The following ULK4 variants were observed in gnomAD, a reference collection of about 807,000 sequenced individuals.
ULK4 encodes the protein inactive serine/threonine-protein kinase ULK4.
A neutral mutation model predicts 160.6 loss-of-function variants in ULK4; 133 were observed. The observed-to-expected ratio is 0.83, with a 90% confidence interval of 0.72 to 0.96. The LOEUF is 0.96. Among genes scored for constraint, ULK4 ranks in the 40% least tolerant of loss-of-function variants. ULK4 has a pLI of 0.00. For missense variants in ULK4, 1,580 were observed against 1,499.5 expected (o/e 1.05, Z -0.89); for synonymous variants, 534 against 539.8 (o/e 0.99, Z 0.15).
chr3:41,360,309 C>A (rs140826238), intron 35 of ULK4, among the ~76,000 whole-genome samples: 1 of 152,042 alleles, frequency 6.6e-6, no homozygotes, highest in Non-Finnish European at 1.5e-5. Context: ...GCTTTTATAC[C>A]GTTGGTGGGA....
intron 32 of ULK4, among the ~76,000 whole-genome samples, chr3:41,465,818 C>A (rs1012740036): frequency 1.3e-5 from 2 of 152,142 alleles, no homozygotes; most frequent in African/African-American, 4.8e-5. Context: ...TAAAATTGAT[C>A]CATGGATTCA....
chr3:41,550,981 T>G (rs1290440727), intron 32 of ULK4, among the ~76,000 whole-genome samples: 1 of 151,768 alleles, frequency 6.6e-6, no homozygotes, highest in African/African-American at 2.4e-5. Flanking sequence ...CCATAAAGAA[T>G]GCTGGAAACT....
intron 32 of ULK4, among the ~76,000 whole-genome samples, chr3:41,495,839 C>T (rs1038413406): frequency 1.3e-5 from 2 of 151,874 alleles, no homozygotes; most frequent in African/African-American, 4.8e-5. Flanking sequence ...TGCTCATCAT[C>T]ACTGGCCATC....
At chr3:41,568,308 T>C (rs1462623909) in intron 31 of ULK4, among the ~76,000 whole-genome samples, 1 of 152,216 alleles carries the variant, frequency 6.6e-6, no homozygotes, top group African/African-American at 2.4e-5. Context: ...GAAGCTGCAA[T>C]GCTAGAGCAA....
intron 30 of ULK4, among the ~76,000 whole-genome samples, chr3:41,634,826 A>G (rs752469038): frequency 1.3e-5 from 2 of 152,216 alleles, no homozygotes; most frequent in Non-Finnish European, 2.9e-5. Flanking sequence ...TAACACAGCT[A>G]ATTTGTTTCA....
chr3:41,757,186 T>C (rs965617888), intron 21 of ULK4, among the ~76,000 whole-genome samples: 9 of 152,188 alleles, frequency 5.9e-5, no homozygotes, highest in Non-Finnish European at 8.8e-5. Context: ...ACCTCTGATC[T>C]CTTCCATGTG....
At chr3:41,265,367 C>G (rs2079012739) in intron 35 of ULK4, among the ~76,000 whole-genome samples, 1 of 152,228 alleles carries the variant, frequency 6.6e-6, no homozygotes, top group Admixed American at 6.5e-5. Context: ...TGGGCACCCA[C>G]TGGAAACAGC....
chr3:41,920,109 A>G (rs537730561), intron 5 of ULK4, among the ~76,000 whole-genome samples: 18 of 152,348 alleles, frequency 1.2e-4, no homozygotes, highest in African/African-American at 4.1e-4. Context: ...AACCTTCAAT[A>G]TAACAACCCC....
At chr3:41,274,214 T>C (rs1189702110) in intron 35 of ULK4, among the ~76,000 whole-genome samples, 1 of 152,148 alleles carries the variant, frequency 6.6e-6, no homozygotes, top group Non-Finnish European at 1.5e-5. Flanking sequence ...GTATTTTTTT[T>C]CCTCTTCTTT....
chr3:41,391,321 T>G (rs527539128), intron 35 of ULK4, among the ~76,000 whole-genome samples: 6 of 152,092 alleles, frequency 3.9e-5, no homozygotes, highest in African/African-American at 1.4e-4. Flanking sequence ...AGATTGCATA[T>G]AAAATTGATT....
At chr3:41,739,771 G>A (rs540993279) in intron 22 of ULK4, among the ~76,000 whole-genome samples, 46 of 151,980 alleles carry the variant, frequency 3.0e-4, no homozygotes, top group African/African-American at 1.1e-3. Flanking sequence ...CTTGCTCAAT[G>A]GGCCTGTGTA....
At chr3:41,275,436 G>T (rs2079213168) in intron 35 of ULK4, among the ~76,000 whole-genome samples, 1 of 152,164 alleles carries the variant, frequency 6.6e-6, no homozygotes, top group South Asian at 2.1e-4. Context: ...TAAGTACACA[G>T]AAACAAAACA....
At chr3:41,376,649 T>G (rs1272377412) in intron 35 of ULK4, among the ~76,000 whole-genome samples, 1 of 149,142 alleles carries the variant, frequency 6.7e-6, no homozygotes, top group African/African-American at 2.5e-5. Flanking sequence ...ATAAAATACC[T>G]AGGAATCCAA....
intron 6 of ULK4, 73 bp from the exon 7 acceptor site, chr3:41,918,613 T>G: frequency 1.0e-6 from 1 of 965,740 alleles, no homozygotes; most frequent in East Asian, 3.1e-5. Flanking sequence ...TTTTTTTTTT[T>G]TTTTTTGAGA....
At chr3:41,753,956 T>A (rs1199115232) in intron 22 of ULK4, among the ~76,000 whole-genome samples, 1 of 152,150 alleles carries the variant, frequency 6.6e-6, no homozygotes, top group Non-Finnish European at 1.5e-5. Context: ...AGTGCCAGCA[T>A]GGGAAATGCC....
At chr3:41,654,804 C>T (rs904457906) in intron 30 of ULK4, among the ~76,000 whole-genome samples, 3 of 152,206 alleles carry the variant, frequency 2.0e-5, no homozygotes, top group African/African-American at 7.2e-5. Flanking sequence ...AAGTTAAAAA[C>T]AGATGCTCAA....
intron 35 of ULK4, among the ~76,000 whole-genome samples, chr3:41,309,251 G>A (rs1168881962): frequency 6.6e-6 from 1 of 151,946 alleles, no homozygotes; most frequent in African/African-American, 2.4e-5. Flanking sequence ...TATTGCTGCA[G>A]GAAGCAACAT....
At position 41,954,783 on chromosome 3, in the gene ULK4, A is replaced by C. The variant is rs7651623; in HGVS notation, c.-24T>G. ...ATCTCTGGGCCGACTTCTCACATAC[A>C]ATAGAATAACAGCATCTCTAGCTCC... On this transcript the variant is annotated 5_prime_UTR_variant, in exon 2 of 37. The change creates a new upstream start codon in the 5' untranslated region. Coordinates refer to ENST00000301831, the MANE Select transcript of ULK4 (RefSeq NM_017886.4). 2 of 1,598,928 alleles carry C rather than the reference A, an allele frequency of 1.3e-6. No individual in the cohort carries two copies. Among genetic ancestry groups the C allele is most frequent in the South Asian group, 2.3e-5 (2 of 88,284 alleles).
intron 32 of ULK4, among the ~76,000 whole-genome samples, chr3:41,505,461 A>G (rs1044338914): frequency 3.9e-5 from 6 of 152,082 alleles, no homozygotes; most frequent in Non-Finnish European, 8.8e-5. Context: ...CTAATGTTCA[A>G]TATGTTTTGA....
Sources: allele counts gnomAD v4.1 joint callset (sites outside exome capture counted in the v4.1 genomes callset), GRCh38; gene constraint gnomAD v4.1.1; transcripts MANE v1.5; gene names NCBI Gene and HGNC (gene_info 2026-07-23, HGNC 2026-07-21).